The following FBN2 variants were observed in gnomAD, a reference collection of about 807,000 sequenced individuals.
FBN2 encodes fibrillin-2.
In FBN2, 105 loss-of-function variants were observed where a neutral mutation model predicts 355.6. The observed-to-expected ratio is 0.30, with a 90% confidence interval of 0.25 to 0.35. FBN2 has a LOEUF of 0.35. Ranked by LOEUF, FBN2 falls within the 10% of genes least tolerant of loss-of-function variation. The pLI is 1.00. For missense variants in FBN2, 3,280 were observed against 3,758.7 expected, an observed-to-expected ratio of 0.87 and a Z score of 3.33; for synonymous variants, 1,350 against 1,301.2, an observed-to-expected ratio of 1.04 and a Z score of -0.81.
At chr5:128,511,269 T>C (rs1756121476) in intron 5 of FBN2, among the ~76,000 whole-genome samples, 1 of 152,200 alleles carries the variant, frequency 6.6e-6, no homozygotes, top group Non-Finnish European at 1.5e-5. Flanking sequence ...CTTTCAAGCA[T>C]ACAAGTCATT....
chr5:128,457,455 C>T (rs543178922), intron 6 of FBN2, among the ~76,000 whole-genome samples: 244 of 152,202 alleles, frequency 1.6e-3, no homozygotes, highest in African/African-American at 5.3e-3. Context: ...ACAGAGAACA[C>T]GATTAAGATA....
rs535534507 is a variant in FBN2, at chr5:128,356,716, T to G, written c.2674+560A>C. Among the ~76,000 whole-genome samples the G allele has an allele frequency of 3.9e-5, 6 of 152,386 alleles. No homozygotes were observed. The East Asian group carries it at 5.8e-4, about 15-fold the overall frequency. On this transcript the variant is annotated intron_variant, in intron 20 of 64. Transcript: ENST00000262464. ...TGACTTTAAATGTTTTGAGACATAT[T>G]GAAAGATGTTAGTTTAGATGTTTTA...
chr5:128,339,561 GAC>G (rs1310333707), intron 25 of FBN2, among the ~76,000 whole-genome samples: 1 of 152,142 alleles, frequency 6.6e-6, no homozygotes, highest in African/African-American at 2.4e-5. Flanking sequence ...CAGCCTGGGT[GAC>G]AGAGGGACAA....
intron 5 of FBN2, among the ~76,000 whole-genome samples, chr5:128,502,211 G>A (rs191976545): frequency 3.6e-4 from 54 of 148,668 alleles, no homozygotes; most frequent in Non-Finnish European, 6.1e-4. Flanking sequence ...ACAATAGAAC[G>A]TTTCTCCAAA....
rs545524318 is a variant in FBN2 at position 128,300,919 on chromosome 5, C to T, written c.6064G>A (p.Ala2022Thr). Reference sequence around the variant, plus strand: ...CCAGGAGAGCAAGAGCCGGGAAGGGCGACACACTCATTAGTGTCTTTAGAG... The same window carrying T: ...CCAGGAGAGCAAGAGCCGGGAAGGGTGACACACTCATTAGTGTCTTTAGAG... Reference protein sequence around the residue: ...KNCIDTNECVALPGSCSPGTC... With the variant: ...KNCIDTNECVTLPGSCSPGTC... The change falls in exon 48 of 65, where the codon GCC becomes ACC. Residue 2022 changes from alanine to threonine, a missense_variant. Coordinates refer to ENST00000262464, the MANE Select transcript of FBN2 (RefSeq NM_001999.4). The T allele has an allele frequency of 4.0e-5, 65 of 1,613,416 alleles. 1 individual carries two copies. The highest frequency in any genetic ancestry group is 3.0e-4 in the Admixed American group (18 of 60,030).
intron 39 of FBN2, among the ~76,000 whole-genome samples, chr5:128,310,867 G>A (rs555457296): frequency 6.6e-5 from 10 of 152,166 alleles, no homozygotes; most frequent in African/African-American, 2.4e-4. Flanking sequence ...CAAGTGGGGG[G>A]ATGGAAGCAA....
At chr5:128,464,399 G>T (rs1284347158) in intron 6 of FBN2, among the ~76,000 whole-genome samples, 1 of 152,104 alleles carries the variant, frequency 6.6e-6, no homozygotes, top group Non-Finnish European at 1.5e-5. Context: ...CTGGGTATTT[G>T]CATGAGTATA....
intron 1 of FBN2, 87 bp from the exon 2 acceptor site, chr5:128,536,571 A>C (rs1756853124): frequency 4.6e-6 from 4 of 871,666 alleles, no homozygotes; most frequent in Non-Finnish European, 7.6e-6. Flanking sequence ...GCCCCGAGCG[A>C]GTAGATTTCA....
intron 6 of FBN2, among the ~76,000 whole-genome samples, chr5:128,460,356 A>C (rs1256868960): frequency 1.3e-5 from 2 of 152,210 alleles, no homozygotes; most frequent in East Asian, 3.8e-4. Context: ...GAAATAAGAG[A>C]GGACACAAAC....
At chr5:128,328,596 T>C (rs778476214) in intron 34 of FBN2, 100 bp downstream of exon 34, 6 of 1,219,736 alleles carry the variant, frequency 4.9e-6, no homozygotes, top group Admixed American at 1.8e-5. Flanking sequence ...GCATGTGCTA[T>C]GTATTCTGCT....
At chr5:128,418,106 T>C (rs1030395523) in intron 7 of FBN2, among the ~76,000 whole-genome samples, 1 of 152,152 alleles carries the variant, frequency 6.6e-6, no homozygotes, top group African/African-American at 2.4e-5. Flanking sequence ...TTCCAGTTTT[T>C]TAGTTATACC....
intron 31 of FBN2, among the ~76,000 whole-genome samples, chr5:128,334,306 A>G (rs1750776268): frequency 6.6e-6 from 1 of 152,038 alleles, no homozygotes; most frequent in Non-Finnish European, 1.5e-5. Flanking sequence ...AACTTGATTA[A>G]TTTTTACTAG....
In FBN2 at chr5:128,349,478, G is replaced by A. The variant is rs764470326; in HGVS notation, c.2864-6C>T. 2 of 1,613,654 alleles carry A rather than the reference G, an allele frequency of 1.2e-6. No homozygotes were observed. The highest frequency in any genetic ancestry group is 2.2e-5 in the South Asian group (2 of 90,990). ...CACCTCACACTCATTAACATCTGCA[G>A]GGAAATGCAGCAAGCAGAGGAGCAA... On this transcript the variant is annotated splice_region_variant and splice_polypyrimidine_tract_variant and intron_variant, in intron 22 of 64. Coordinates refer to ENST00000262464, the MANE Select transcript of FBN2 (RefSeq NM_001999.4).
At chr5:128,495,931 G>A (rs1755643675) in intron 5 of FBN2, among the ~76,000 whole-genome samples, 1 of 152,058 alleles carries the variant, frequency 6.6e-6, no homozygotes, top group African/African-American at 2.4e-5. Context: ...TTTCTAGAAA[G>A]ATAGAAATTA....
At chr5:128,309,530 A>G (rs1749975565) in intron 40 of FBN2, 131 bp from the exon 41 acceptor site, 3 of 714,636 alleles carry the variant, frequency 4.2e-6, no homozygotes, top group Non-Finnish European at 7.2e-6. Context: ...ATTTGAAGCT[A>G]TCTTAAAATA....
At chr5:128,260,692 G>A (rs1396132714) in intron 64 of FBN2, among the ~76,000 whole-genome samples, 2 of 152,126 alleles carry the variant, frequency 1.3e-5, no homozygotes, top group African/African-American at 2.4e-5. Flanking sequence ...GTCTACTTAA[G>A]GTAAATGTAA....
At chr5:128,315,501 T>C (rs535638285) in intron 36 of FBN2, among the ~76,000 whole-genome samples, 3 of 152,354 alleles carry the variant, frequency 2.0e-5, no homozygotes, top group South Asian at 2.1e-4. Context: ...TTTGAAAACA[T>C]TAACAGTTCA....
intron 58 of FBN2, among the ~76,000 whole-genome samples, chr5:128,277,542 A>C (rs1196977664): frequency 4.6e-5 from 7 of 152,226 alleles, no homozygotes. Flanking sequence ...TTTTAAATTA[A>C]AATATAAAAT....
chr5:128,515,539 CCTT>C (rs1468707856), intron 5 of FBN2, among the ~76,000 whole-genome samples: 16 of 152,116 alleles, frequency 1.1e-4, no homozygotes, highest in Non-Finnish European at 2.1e-4. Flanking sequence ...TGGAGTGACT[CCTT>C]CTCAGCACGC....
Sources: gnomAD v4.1 joint callset for allele counts (sites outside exome capture counted in the v4.1 genomes callset) on GRCh38, gnomAD v4.1.1 for gene constraint, MANE v1.5 for transcripts, NCBI Gene and HGNC (gene_info 2026-07-23, HGNC 2026-07-21) for gene names.